Variants in ROBO2 observed in about 807,000 individuals in gnomAD.
The protein encoded by ROBO2 is roundabout homolog 2.
Under a neutral mutation model 160.8 loss-of-function variants are expected in ROBO2, and 53 were observed. The observed-to-expected ratio is 0.33, with a 90% CI of 0.26 to 0.41. The LOEUF is 0.41. ROBO2 is among the 10% of genes least tolerant of loss of function. ROBO2 has a pLI of 1.00. For synonymous variants in ROBO2, 664 were observed against 611.7 expected (o/e 1.09, Z -1.26); for missense variants, 1,577 against 1,722.4 (o/e 0.92, Z 1.49).
intron 2 of ROBO2, among the ~76,000 whole-genome samples, chr3:77,010,320 T>C (rs1470931012): frequency 2.0e-5 from 3 of 152,190 alleles, no homozygotes; most frequent in Non-Finnish European, 2.9e-5. Context: ...ACTGTTACAA[T>C]AGTTTTATAA....
chr3:76,948,902 A>T (rs1257464802), intron 2 of ROBO2, among the ~76,000 whole-genome samples: 59 of 42,816 alleles, frequency 1.4e-3, no homozygotes, highest in African/African-American at 8.5e-3. Flanking sequence ...ATATATATAT[A>T]TATATATTTT....
At chr3:76,434,223 G>A in intron 2 of ROBO2, 1 of 1,043,134 alleles carries the variant, frequency 9.6e-7, no homozygotes, top group Admixed American at 1.7e-5. Context: ...TGCAGAGATG[G>A]TCCACACAGG....
At chr3:76,443,275 C>A (rs2077012595) in intron 2 of ROBO2, among the ~76,000 whole-genome samples, 2 of 152,178 alleles carry the variant, frequency 1.3e-5, no homozygotes, top group African/African-American at 4.8e-5. Flanking sequence ...GGCCCCACCT[C>A]CAACATTGGA....
At chr3:76,725,831 A>G (rs943735286) in intron 2 of ROBO2, among the ~76,000 whole-genome samples, 2 of 152,200 alleles carry the variant, frequency 1.3e-5, no homozygotes, top group African/African-American at 4.8e-5. Flanking sequence ...GTATCCACAG[A>G]GGAGCAATGA....
At chr3:77,251,447 A>G (rs2090333300) in intron 2 of ROBO2, among the ~76,000 whole-genome samples, 1 of 152,124 alleles carries the variant, frequency 6.6e-6, no homozygotes, top group Non-Finnish European at 1.5e-5. Flanking sequence ...ACCTCTCTCA[A>G]AACGTTGCTC....
chr3:77,132,964 C>T (rs143923767), intron 2 of ROBO2, among the ~76,000 whole-genome samples: 1 of 152,072 alleles, frequency 6.6e-6, no homozygotes, highest in Non-Finnish European at 1.5e-5. Flanking sequence ...TTTATGGTTG[C>T]TCCATATGAA....
At chr3:77,481,146 A>C (rs2084643941) in exon 4 of ROBO2, 6 of 1,611,934 alleles carry the variant, frequency 3.7e-6, no homozygotes, top group African/African-American at 2.7e-5. Context: ...AAAGTGATGC[A>C]GGGATGTATA....
At chr3:77,607,842 C>T in exon 21 of ROBO2, 1 of 1,613,962 alleles carries the variant, frequency 6.2e-7, no homozygotes, top group Non-Finnish European at 8.5e-7. Flanking sequence ...CTCTTCTAAA[C>T]CACAGAAAAA....
chr3:76,955,393 G>A (rs572841675), intron 2 of ROBO2, among the ~76,000 whole-genome samples: 1 of 152,230 alleles, frequency 6.6e-6, no homozygotes, highest in South Asian at 2.1e-4. Context: ...GAATGACTGG[G>A]TCATATAATA....
intron 2 of ROBO2, among the ~76,000 whole-genome samples, chr3:76,651,405 G>T (rs570123656): frequency 6.6e-6 from 1 of 152,240 alleles, no homozygotes; most frequent in South Asian, 2.1e-4. Flanking sequence ...AATCTCACAA[G>T]TGCAAGGACT....
chr3:76,001,244 G>A (rs937130089), intron 2 of ROBO2, among the ~76,000 whole-genome samples: 11 of 152,198 alleles, frequency 7.2e-5, no homozygotes, highest in African/African-American at 2.4e-4. Flanking sequence ...GAAAATTTTA[G>A]ATATGATCAT....
intron 2 of ROBO2, among the ~76,000 whole-genome samples, chr3:76,909,096 C>T (rs1372055804): frequency 1.3e-5 from 2 of 152,062 alleles, no homozygotes; most frequent in East Asian, 1.9e-4. Flanking sequence ...TAGTGGCGCA[C>T]ACAGCCTGTT....
chr3:76,799,118 G>A (rs1281757103), intron 2 of ROBO2, among the ~76,000 whole-genome samples: 2 of 151,798 alleles, frequency 1.3e-5, no homozygotes, highest in African/African-American at 2.4e-5. Flanking sequence ...GGAGGCTGAG[G>A]CAGGAGAATC....
chr3:77,011,827 T>C (rs2061941092), intron 2 of ROBO2, among the ~76,000 whole-genome samples: 1 of 152,122 alleles, frequency 6.6e-6, no homozygotes, highest in Non-Finnish European at 1.5e-5. Context: ...ACCTTTATTT[T>C]GAAATTTTAT....
intron 2 of ROBO2, among the ~76,000 whole-genome samples, chr3:76,839,257 A>G (rs1219755143): frequency 6.6e-6 from 1 of 152,202 alleles, no homozygotes; most frequent in Admixed American, 6.6e-5. Context: ...TTTATGGGAC[A>G]ATAATAAGCA....
intron 2 of ROBO2, among the ~76,000 whole-genome samples, chr3:77,170,817 C>A (rs2079563557): frequency 2.6e-5 from 4 of 152,062 alleles, no homozygotes; most frequent in Non-Finnish European, 4.4e-5. Flanking sequence ...TTGGGGATTT[C>A]TGTGCTTTCC....
chr3:76,304,295 G>T (rs1048460592), intron 2 of ROBO2, among the ~76,000 whole-genome samples: 1 of 152,190 alleles, frequency 6.6e-6, no homozygotes, highest in South Asian at 2.1e-4. Context: ...GGAAAACATG[G>T]TTAAAAACAA....
intron 2 of ROBO2, among the ~76,000 whole-genome samples, chr3:76,740,433 G>A (rs1480960552): frequency 6.6e-6 from 1 of 152,102 alleles, no homozygotes; most frequent in African/African-American, 2.4e-5. Context: ...AAAGTAGTAA[G>A]TCACACCCCA....
intron 2 of ROBO2, among the ~76,000 whole-genome samples, chr3:76,982,813 T>A (rs2149334232): frequency 6.6e-6 from 1 of 152,326 alleles, no homozygotes; most frequent in African/African-American, 2.4e-5. Context: ...AGTGAATGAA[T>A]GTGTTTTTGT....
Sources: allele counts gnomAD v4.1 joint callset (sites outside exome capture counted in the v4.1 genomes callset), GRCh38; gene constraint gnomAD v4.1.1; transcripts MANE v1.5; gene names NCBI Gene and HGNC (gene_info 2026-07-23, HGNC 2026-07-21).